Variants in NRXN1 observed in about 807,000 individuals in gnomAD.
NRXN1 encodes neurexin 1.
Under a neutral mutation model 150.9 loss-of-function variants are expected in NRXN1, and 39 were observed. The observed-to-expected ratio is 0.26, with a 90% confidence interval of 0.20 to 0.34. NRXN1 has a LOEUF of 0.34. Ranked by LOEUF, NRXN1 falls within the 10% of genes least tolerant of loss-of-function variation. NRXN1 has a pLI of 1.00. For missense variants in NRXN1, 1,815 were observed against 1,949.9 expected, an observed-to-expected ratio of 0.93 and a Z score of 1.30; for synonymous variants, 924 against 757.0, an observed-to-expected ratio of 1.22 and a Z score of -3.62.
At chr2:50,427,691 T>C (rs777485005) in intron 17 of NRXN1, among the ~76,000 whole-genome samples, 1 of 152,192 alleles carries the variant, frequency 6.6e-6, no homozygotes, top group African/African-American at 2.4e-5. Context: ...CTAAATCAAT[T>C]TGGCAAAGTT....
chr2:50,600,488 C>T (rs2103937251), intron 8 of NRXN1, among the ~76,000 whole-genome samples: 1 of 152,056 alleles, frequency 6.6e-6, no homozygotes. Flanking sequence ...CCATGTCCGG[C>T]TAATTTTTGT....
intron 5 of NRXN1, chr2:50,829,373 C>T (rs1671058811): frequency 4.0e-6 from 4 of 1,008,572 alleles, no homozygotes; most frequent in South Asian, 1.5e-5. Context: ...GGTGATCCGC[C>T]CGCCTCGGGC....
chr2:50,212,252 C>A (rs2063075404), intron 18 of NRXN1, among the ~76,000 whole-genome samples: 1 of 132,002 alleles, frequency 7.6e-6, no homozygotes, highest in African/African-American at 2.9e-5. Flanking sequence ...AGAAAATCAA[C>A]AAGATAAGCA....
At chr2:50,314,436 C>T (rs985565582) in intron 17 of NRXN1, among the ~76,000 whole-genome samples, 2 of 151,992 alleles carry the variant, frequency 1.3e-5, no homozygotes, top group African/African-American at 4.8e-5. Flanking sequence ...AAATCAGAAG[C>T]AACTCACCAC....
chr2:50,493,905 C>A (rs1164638613), intron 15 of NRXN1, among the ~76,000 whole-genome samples: 1 of 152,166 alleles, frequency 6.6e-6, no homozygotes, highest in Non-Finnish European at 1.5e-5. Flanking sequence ...TGTAATATGC[C>A]ATTTTTAAGT....
At chr2:50,446,079 A>G (rs193219592) in intron 17 of NRXN1, among the ~76,000 whole-genome samples, 87 of 152,176 alleles carry the variant, frequency 5.7e-4, no homozygotes, top group African/African-American at 2.0e-3. Flanking sequence ...ACACCAACTC[A>G]TATTGCTCAC....
At chr2:50,472,564 T>G in intron 15 of NRXN1, 93 bp from the exon 16 acceptor site, 1 of 945,540 alleles carries the variant, frequency 1.1e-6, no homozygotes, top group African/African-American at 1.8e-5. Flanking sequence ...GGTTTATTTT[T>G]CATTAAGTTA....
At chr2:50,421,128 T>C (rs2083962008) in intron 17 of NRXN1, among the ~76,000 whole-genome samples, 1 of 151,944 alleles carries the variant, frequency 6.6e-6, no homozygotes, top group Non-Finnish European at 1.5e-5. Context: ...GCAGAAATTT[T>C]TTTTTCCGGG....
intron 18 of NRXN1, among the ~76,000 whole-genome samples, chr2:50,149,723 T>C (rs1267285312): frequency 6.6e-6 from 1 of 151,704 alleles, no homozygotes; most frequent in Non-Finnish European, 1.5e-5. Context: ...TTTATCTCAG[T>C]GCCAAGCACA....
At chr2:50,567,536 T>A (rs1048917576) in intron 8 of NRXN1, among the ~76,000 whole-genome samples, 2 of 151,626 alleles carry the variant, frequency 1.3e-5, no homozygotes, top group Non-Finnish European at 1.5e-5. Flanking sequence ...TAAGAAAAAG[T>A]CCACAATGAA....
rs201735573 is a variant in NRXN1, at chr2:50,538,360, G to A, written c.2036C>T (p.Pro679Leu). ...KPSCSKETAKPCLSNPCKNNG... is the reference protein window; with the variant it reads ...KPSCSKETAKLCLSNPCKNNG... Reference sequence around the variant, plus strand: ...GTTTTTGCAAGGGTTGCTAAGGCACGGTTTTGCTGTTTCCTTTGAGCAGGA... The same window carrying A: ...GTTTTTGCAAGGGTTGCTAAGGCACAGTTTTGCTGTTTCCTTTGAGCAGGA... The change falls in exon 10 of 23, where the codon CCG becomes CTG. Residue 679 changes from proline to leucine, a missense_variant. Physicochemically the swap from Pro to Leu is moderately conservative, Grantham distance 98. This residue lies in a region of NRXN1 where 638 missense variants were observed against 652.6 expected (regional missense o/e 0.98). Transcript: ENST00000401669. 2.6e-4 allele frequency: 424 copies of A among 1,613,980 alleles called. No homozygotes were observed. Among genetic ancestry groups the A allele is most frequent in the Non-Finnish European group, 3.1e-4 (370 of 1,179,886 alleles).
At chr2:50,428,950 A>C (rs1170565593) in intron 17 of NRXN1, among the ~76,000 whole-genome samples, 1 of 152,206 alleles carries the variant, frequency 6.6e-6, no homozygotes, top group South Asian at 2.1e-4. Context: ...GAACAATATG[A>C]AACTATGTAT....
intron 19 of NRXN1, among the ~76,000 whole-genome samples, chr2:50,085,107 GTTAGTA>G (rs1698597312): frequency 6.6e-6 from 1 of 152,156 alleles, no homozygotes; most frequent in Non-Finnish European, 1.5e-5. Context: ...ATTACAGAAA[GTTAGTA>G]TTAGTAAACA....
At position 50,741,486 on chromosome 2, in the gene NRXN1, C is replaced by G. The variant is rs139959155; in HGVS notation, c.833-117871G>C. On this transcript the variant is annotated intron_variant, in intron 5 of 22. Coordinates refer to ENST00000401669, the MANE Select transcript of NRXN1 (RefSeq NM_001330078.2). ...AGAAGTTGAGGATCACTGTGCCCTG[C>G]AGAATGTATATAATTTATTTGACAT... is the stretch of plus-strand genomic sequence containing the variant. Among the ~76,000 whole-genome samples the G allele has an allele frequency of 5.3e-5, 8 of 152,252 alleles. No individual in the cohort carries two copies. In the East Asian group the frequency reaches 1.5e-3, roughly 29 times the overall value.
intron 5 of NRXN1, 102 bp from the exon 6 acceptor site, chr2:50,623,717 C>G: frequency 1.3e-6 from 1 of 770,452 alleles, no homozygotes; most frequent in South Asian, 1.8e-5. Flanking sequence ...AATTAACCTG[C>G]TTAATTAGAT....
rs371981619 is a variant in NRXN1 at position 50,586,347 on chromosome 2, AT to A, written c.1321-33323del. ...CTTCTGGCCCAGGGACATGTACTTA[AT>A]TATTTCCACAGTAATAACAGCCACA... On this transcript the variant is annotated intron_variant, in intron 8 of 22. Coordinates refer to ENST00000401669, the MANE Select transcript of NRXN1 (RefSeq NM_001330078.2). Among the ~76,000 whole-genome samples, 39 of 152,170 alleles carry A rather than the reference AT, an allele frequency of 2.6e-4. 1 individual carries two copies. The highest frequency in any genetic ancestry group is 9.2e-4 in the African/African-American group (38 of 41,528).
intron 5 of NRXN1, among the ~76,000 whole-genome samples, chr2:50,760,299 G>C (rs549096808): frequency 4.0e-5 from 6 of 151,812 alleles, no homozygotes; most frequent in Non-Finnish European, 8.8e-5. Flanking sequence ...TCAGAGAAGG[G>C]GCCTTGTATT....
intron 5 of NRXN1, among the ~76,000 whole-genome samples, chr2:50,708,096 A>C (rs961696977): frequency 2.6e-5 from 4 of 152,214 alleles, no homozygotes; most frequent in Non-Finnish European, 5.9e-5. Flanking sequence ...GACTAACCTA[A>C]GAAAATTACG....
intron 17 of NRXN1, among the ~76,000 whole-genome samples, chr2:50,421,617 A>T (rs953028122): frequency 2.6e-5 from 4 of 152,142 alleles, no homozygotes; most frequent in African/African-American, 9.6e-5. Flanking sequence ...AATTAGCAAG[A>T]TTTAATTTAT....
Sources: gnomAD v4.1 joint callset for allele counts (sites outside exome capture counted in the v4.1 genomes callset) on GRCh38, gnomAD v4.1.1 for gene constraint, gnomAD v4.1.1 regional missense constraint, MANE v1.5 for transcripts, NCBI Gene and HGNC (gene_info 2026-07-23, HGNC 2026-07-21) for gene names.